The following RFTN2 variants were observed in gnomAD, a reference collection of about 807,000 sequenced individuals.
The protein encoded by RFTN2 is raftlin family member 2, also known as raftlin-2.
RFTN2 carries 34 observed loss-of-function variants against 52.7 expected under a neutral mutation model. The ratio of observed to expected loss-of-function variants is 0.64; its 90% CI spans 0.49 to 0.86. The LOEUF is 0.86. Ranked by LOEUF, RFTN2 falls within the 40% of genes least tolerant of loss-of-function variation. RFTN2 has a pLI of 0.00. For synonymous variants in RFTN2, 203 were observed against 217.7 expected (o/e 0.93, Z 0.59); for missense variants, 536 against 600.1 (o/e 0.89, Z 1.12).
At chr2:197,582,878 GA>G (rs1455909170) in intron 8 of RFTN2, among the ~76,000 whole-genome samples, 2 of 152,186 alleles carry the variant, frequency 1.3e-5, no homozygotes, top group African/African-American at 4.8e-5. Flanking sequence ...GGTAGTTAAA[GA>G]AGCAGCTAGT....
At chr2:197,608,623 C>CTTTTTTT (rs57681105) in intron 7 of RFTN2, among the ~76,000 whole-genome samples, 5 of 99,478 alleles carry the variant, frequency 5.0e-5, no homozygotes, top group African/African-American at 1.2e-4. Flanking sequence ...TGGGACCAGA[C>CTTTTTTT]TTTTTTTTTT....
At chr2:197,622,565 C>T (rs141211774) in intron 5 of RFTN2, among the ~76,000 whole-genome samples, 87 of 152,286 alleles carry the variant, frequency 5.7e-4, no homozygotes, top group African/African-American at 2.0e-3. Context: ...CTCAGCCTCC[C>T]GAAGTGTTGG....
intron 7 of RFTN2, among the ~76,000 whole-genome samples, chr2:197,603,842 G>A (rs1340063457): frequency 1.3e-5 from 2 of 152,130 alleles, no homozygotes; most frequent in Admixed American, 6.6e-5. Context: ...CAGAAGAATC[G>A]CTTGAACCCG....
chr2:197,660,902 C>G (rs2088968408), intron 1 of RFTN2, among the ~76,000 whole-genome samples: 1 of 152,102 alleles, frequency 6.6e-6, no homozygotes, highest in Admixed American at 6.5e-5. Flanking sequence ...TTCAAGTCCT[C>G]TCTTACTGCT....
At chr2:197,637,911 T>C (rs2088595829) in intron 3 of RFTN2, among the ~76,000 whole-genome samples, 2 of 151,900 alleles carry the variant, frequency 1.3e-5, no homozygotes, top group South Asian at 4.2e-4. Context: ...CTGCTTTGAA[T>C]GCATCCCAGA....
chr2:197,585,477 G>A (rs2087581764), intron 8 of RFTN2, among the ~76,000 whole-genome samples: 1 of 151,974 alleles, frequency 6.6e-6, no homozygotes, highest in Admixed American at 6.6e-5. Flanking sequence ...TTGCTGACAG[G>A]GCACACTCCA....
At chr2:197,586,186 C>G (rs1214234863) in intron 8 of RFTN2, among the ~76,000 whole-genome samples, 2 of 152,212 alleles carry the variant, frequency 1.3e-5, no homozygotes, top group Non-Finnish European at 2.9e-5. Context: ...TCCCCTTGCT[C>G]GTCAGACTCT....
At chr2:197,636,286 G>A (rs1173290392) in intron 3 of RFTN2, among the ~76,000 whole-genome samples, 1 of 138,306 alleles carries the variant, frequency 7.2e-6, no homozygotes, top group Non-Finnish European at 1.6e-5. Context: ...AAAGGCATTG[G>A]TAGCTTTATG....
At chr2:197,587,390 T>C (rs532577068) in intron 8 of RFTN2, among the ~76,000 whole-genome samples, 4 of 152,242 alleles carry the variant, frequency 2.6e-5, no homozygotes, top group African/African-American at 9.6e-5. Context: ...CCTGCAGGTA[T>C]ACATCCAGAT....
At chr2:197,579,228 G>C (rs974259114) in intron 8 of RFTN2, among the ~76,000 whole-genome samples, 2 of 152,120 alleles carry the variant, frequency 1.3e-5, no homozygotes, top group Non-Finnish European at 2.9e-5. Flanking sequence ...TCACCTAGTG[G>C]CAAGTACCAC....
At chr2:197,593,994 C>T (rs1467978361) in intron 8 of RFTN2, among the ~76,000 whole-genome samples, 1 of 148,664 alleles carries the variant, frequency 6.7e-6, no homozygotes, top group African/African-American at 2.5e-5. Context: ...CCCACCTTTG[C>T]TTCTTTTAGG....
chr2:197,660,449 T>A lies in RFTN2; in HGVS notation c.140-13783A>T, dbSNP rs558765785. The stretch of plus-strand genomic sequence containing the variant: ...AATTGAAGTAATATAACTGCAGTTT[T>A]AAAAATTAATTCATAGTATTTTACA... On this transcript the variant is annotated intron_variant, in intron 1 of 8. Coordinates refer to ENST00000295049, the MANE Select transcript of RFTN2 (RefSeq NM_144629.3). Among the ~76,000 whole-genome samples the A allele has an allele frequency of 2.0e-5, 3 of 152,350 alleles. No homozygotes were observed. The South Asian group carries it at 6.2e-4, about 32-fold the overall frequency.
At chr2:197,603,373 A>G (rs957688435) in intron 7 of RFTN2, among the ~76,000 whole-genome samples, 1 of 152,258 alleles carries the variant, frequency 6.6e-6, no homozygotes. Context: ...ATCATAGAGT[A>G]AAAAGACAAG....
chr2:197,615,743 A>C (rs2088130844), intron 7 of RFTN2, 133 bp downstream of exon 7: 3 of 597,804 alleles, frequency 5.0e-6, no homozygotes, highest in Admixed American at 5.6e-5. Context: ...TCTAAGGTCC[A>C]TAAAATCAAA....
At position 197,596,086 on chromosome 2, in the gene RFTN2, T is replaced by C. The variant is rs771406703; in HGVS notation, c.1155-17A>G. Reference sequence around the variant, plus strand: ...TTCCCTTCACTGCAAATTAAAACAATAGTATTAGTATTTGTGAGTTAGTAA... The same window carrying C: ...TTCCCTTCACTGCAAATTAAAACAACAGTATTAGTATTTGTGAGTTAGTAA... On this transcript the variant is annotated splice_polypyrimidine_tract_variant and intron_variant, in intron 7 of 8. Transcript: ENST00000295049. 3 of 1,496,132 alleles carry C rather than the reference T, an allele frequency of 2.0e-6. No homozygotes were observed. The highest frequency in any genetic ancestry group is 1.4e-5 in the African/African-American group (1 of 72,744). The allele number at this position is 1,496,132 out of a possible 1,614,324, so 92.7% of individuals were successfully genotyped here.
At chr2:197,575,832 ATATAT>A (rs142784658) in intron 8 of RFTN2, among the ~76,000 whole-genome samples, 60,501 of 114,664 alleles carry the variant, frequency 0.53, 13,789 homozygotes, top group Middle Eastern at 0.67. Flanking sequence ...TCTATATATA[ATATAT>A]TATATATATT....
Position 197,601,954 on chromosome 2 carries a change from C to A in RFTN2, c.1155-5885G>T, listed in dbSNP as rs533113993. Among the ~76,000 whole-genome samples the A allele has an allele frequency of 3.9e-5, 6 of 152,194 alleles. No individual in the cohort carries two copies. The East Asian group carries it at 7.7e-4, about 20-fold the overall frequency. ...TGAAAGCTTTGCCTTAAAATTCCCC[C>A]AAATGAATTCAGTTTTGTTCAACAG... On this transcript the variant is annotated intron_variant, in intron 7 of 8. Transcript: ENST00000295049.
intron 8 of RFTN2, among the ~76,000 whole-genome samples, chr2:197,584,016 C>T (rs1485411396): frequency 6.6e-6 from 1 of 152,140 alleles, no homozygotes; most frequent in African/African-American, 2.4e-5. Context: ...TTTCTTAATC[C>T]AGTCTATCAT....
chr2:197,617,243 C>G (rs1159771508), intron 6 of RFTN2, among the ~76,000 whole-genome samples: 5 of 152,168 alleles, frequency 3.3e-5, no homozygotes, highest in African/African-American at 1.2e-4. Flanking sequence ...AGCTCAGTGC[C>G]AGGCGATGTT....
Sources: allele counts gnomAD v4.1 joint callset (sites outside exome capture counted in the v4.1 genomes callset), GRCh38; gene constraint gnomAD v4.1.1; transcripts MANE v1.5; gene names NCBI Gene and HGNC (gene_info 2026-07-23, HGNC 2026-07-21).